The following MSR1 variants were observed in gnomAD, a reference collection of about 807,000 sequenced individuals.
MSR1 encodes the protein macrophage scavenger receptor types I and II.
In MSR1, 53 loss-of-function variants were observed where a neutral mutation model predicts 47.2. That is an observed-to-expected ratio of 1.12 (90% confidence interval 0.90 to 1.41). The LOEUF (loss-of-function observed/expected upper bound fraction) is 1.41. Among genes scored for constraint, MSR1 ranks in the 40% most tolerant of loss-of-function variants. MSR1 has a pLI of 0.00. For synonymous variants in MSR1, 239 were observed against 185.6 expected, an observed-to-expected ratio of 1.29 and a Z score of -2.34; for missense variants, 786 against 546.9, an observed-to-expected ratio of 1.44 and a Z score of -4.36.
rs552870023 is a variant in MSR1 at position 16,145,910 on chromosome 8, C to T, written c.980-2299G>A. 5.9e-5 allele frequency among the ~76,000 whole-genome samples: 9 copies of T among 152,222 alleles called. No homozygotes were observed. In the South Asian group the frequency reaches 1.7e-3, roughly 28 times the overall value. On this transcript the variant is annotated intron_variant, in intron 7 of 9. Transcript: ENST00000262101. ...TTGGTCCAAACCTAGAGTTAACTATCTCCTATCCTATGTATTACTCTTTAA... is the reference window on the plus strand; with the variant it reads ...TTGGTCCAAACCTAGAGTTAACTATTTCCTATCCTATGTATTACTCTTTAA...
chr8:16,138,470 A>G lies in MSR1; in HGVS notation c.1033+5088T>C, dbSNP rs774610187. Among the ~76,000 whole-genome samples the G allele has an allele frequency of 7.9e-5, 12 of 152,344 alleles. No individual in the cohort carries two copies. The Middle Eastern group carries it at 0.017, about 216-fold the overall frequency. ...TGCCAATAATTTGAACAGGGCATTC[A>G]GCATCCATTTTTTGTCTAAAGAGAG... On this transcript the variant is annotated intron_variant, in intron 8 of 9. Transcript: ENST00000262101.
chr8:16,191,290 A>G lies in MSR1; in HGVS notation c.-5+1308T>C, dbSNP rs74303554. On this transcript the variant is annotated intron_variant, in intron 1 of 9. Coordinates refer to ENST00000262101, the MANE Select transcript of MSR1 (RefSeq NM_138715.3). ...TCCTTGGTAGCAAAGAAGAAAGAGC[A>G]TCAACTTTTGAATCTGAAATCTAGA... is the stretch of plus-strand genomic sequence containing the variant. Among the ~76,000 whole-genome samples, 572 of 152,326 alleles carry G rather than the reference A, an allele frequency of 3.8e-3. 25 individuals are homozygous for G. In the East Asian group the frequency reaches 0.099, roughly 26 times the overall value.
chr8:16,150,169 TATAA>T (rs1396285325), intron 7 of MSR1, 58 bp downstream of exon 7: 34 of 293,064 alleles, frequency 1.2e-4, no homozygotes, highest in Admixed American at 2.1e-4. Context: ...TATATATATA[TATAA>T]AATTATCTGG....
intron 8 of MSR1, among the ~76,000 whole-genome samples, chr8:16,138,643 G>A (rs1800450238): frequency 6.6e-6 from 1 of 152,162 alleles, no homozygotes; most frequent in Non-Finnish European, 1.5e-5. Flanking sequence ...TGTGGCTGAT[G>A]TAGACCAAGG....
chr8:16,158,971 C>A (rs115332389), intron 5 of MSR1, among the ~76,000 whole-genome samples: 1,384 of 118,538 alleles, frequency 0.012, 26 homozygotes, highest in African/African-American at 0.041. Context: ...GGTCTTGCTA[C>A]TTTGCCTAGG....
At chr8:16,160,585 A>G (rs1351319282) in intron 5 of MSR1, among the ~76,000 whole-genome samples, 6 of 152,026 alleles carry the variant, frequency 3.9e-5, no homozygotes, top group African/African-American at 1.2e-4. Flanking sequence ...ATATAGTGGT[A>G]AAAACTATGA....
chr8:16,140,763 G>C, intron 8 of MSR1: 4 of 1,439,516 alleles, frequency 2.8e-6, no homozygotes, highest in Non-Finnish European at 3.6e-6. Flanking sequence ...TGATAGGGGA[G>C]AGAGGTGATG....
rs771783766 is a variant in MSR1 at position 16,168,671 on chromosome 8, C to A, written c.417G>T (p.Glu139Asp). ...LDMEANLMDT[E>D]HFQNFSMTTD... Reference sequence around the variant, plus strand: ...TTGTCATGCTGAAATTTTGGAAATGCTCTGTGTCCATGAGGTTGGCTTCCA... The same window carrying A: ...TTGTCATGCTGAAATTTTGGAAATGATCTGTGTCCATGAGGTTGGCTTCCA... Residue 139 changes from glutamate to aspartate, a missense_variant, in exon 4 of 10, where the codon GAG becomes GAT. Physicochemically the swap from Glu to Asp is conservative, Grantham distance 45. Coordinates refer to ENST00000262101, the MANE Select transcript of MSR1 (RefSeq NM_138715.3). 1.2e-6 allele frequency: 2 copies of A among 1,614,034 alleles called. No individual in the cohort carries two copies. The highest frequency in any genetic ancestry group is 1.1e-5 in the South Asian group (1 of 91,082).
intron 8 of MSR1, chr8:16,121,214 G>GA (rs36007738): frequency 7.5e-6 from 3 of 400,344 alleles, no homozygotes; most frequent in South Asian, 1.9e-5. Flanking sequence ...TTCCTCTTTA[G>GA]AAAAAAATAT....
chr8:16,138,763 T>C lies in MSR1; in HGVS notation c.1033+4795A>G, dbSNP rs547696335. Among the ~76,000 whole-genome samples, 36 of 152,274 alleles carry C rather than the reference T, an allele frequency of 2.4e-4. 1 individual carries two copies. The highest frequency in any genetic ancestry group is 3.5e-4 in the Non-Finnish European group (24 of 68,014). ...GGAGTTACAACTTATCTCTAGATGT[T>C]TGTGTAAACTGGCTATTCAATGTTG... On this transcript the variant is annotated intron_variant, in intron 8 of 9. Coordinates refer to ENST00000262101, the MANE Select transcript of MSR1 (RefSeq NM_138715.3).
chr8:16,156,021 C>T (rs956960690), intron 5 of MSR1, among the ~76,000 whole-genome samples: 3 of 151,644 alleles, frequency 2.0e-5, no homozygotes, highest in Non-Finnish European at 4.4e-5. Flanking sequence ...AATGATTATA[C>T]CTAGCATGTC....
intron 9 of MSR1, among the ~76,000 whole-genome samples, chr8:16,112,593 G>A (rs1407143259): frequency 6.6e-6 from 1 of 152,024 alleles, no homozygotes; most frequent in Non-Finnish European, 1.5e-5. Context: ...GCATTAAAAA[G>A]TTAATGCAGA....
At position 16,109,983 on chromosome 8, in the gene MSR1, T is replaced by C. The variant is rs945374719; in HGVS notation, c.*102A>G. 5 of 1,399,896 alleles carry C rather than the reference T, an allele frequency of 3.6e-6. No individual in the cohort carries two copies. The highest frequency in any genetic ancestry group is 5.0e-6 in the Non-Finnish European group (5 of 999,964). The allele number at this position is 1,399,896 out of a possible 1,614,324, so 86.7% of individuals were successfully genotyped here. A position where few individuals can be genotyped will look rare whatever the true frequency, so the allele number is the denominator to read the frequency against. On this transcript the variant is annotated 3_prime_UTR_variant, in exon 10 of 10. Coordinates refer to ENST00000262101, the MANE Select transcript of MSR1 (RefSeq NM_138715.3). Reference sequence around the variant, plus strand: ...AATCTAAAATATTATTTGGGCAATATTCTTAATCTCTTAAATATTGATTAA... The same window carrying C: ...AATCTAAAATATTATTTGGGCAATACTCTTAATCTCTTAAATATTGATTAA...
chr8:16,144,945 TG>T (rs1213305821), intron 7 of MSR1, among the ~76,000 whole-genome samples: 1 of 151,856 alleles, frequency 6.6e-6, no homozygotes, highest in African/African-American at 2.4e-5. Flanking sequence ...TGCTTTATTT[TG>T]AACATGTGTC....
In MSR1 at chr8:16,184,866, G is replaced by A. The variant is rs563000912; in HGVS notation, c.-4-6874C>T. 3.3e-5 allele frequency among the ~76,000 whole-genome samples: 5 copies of A among 151,714 alleles called. No homozygotes were observed. The East Asian group carries it at 7.8e-4, about 24-fold the overall frequency. On this transcript the variant is annotated intron_variant, in intron 1 of 9. Transcript: ENST00000262101. The stretch of plus-strand genomic sequence containing the variant: ...TTTGTGGATTACTATATTTTAAACC[G>A]TGGTTACCTTGGGAAGATTTATTTA...
intron 8 of MSR1, among the ~76,000 whole-genome samples, chr8:16,123,559 T>C (rs1490890413): frequency 7.2e-6 from 1 of 139,720 alleles, no homozygotes; most frequent in Admixed American, 7.6e-5. Flanking sequence ...TTATCTTGTA[T>C]ATAAAGATTT....
At chr8:16,156,143 G>A (rs1585169087) in intron 5 of MSR1, among the ~76,000 whole-genome samples, 1 of 151,652 alleles carries the variant, frequency 6.6e-6, no homozygotes, top group African/African-American at 2.4e-5. Context: ...TTCAACACCA[G>A]AAGAAAGAAA....
intron 8 of MSR1, among the ~76,000 whole-genome samples, chr8:16,133,929 C>T (rs956460696): frequency 6.6e-6 from 1 of 152,174 alleles, no homozygotes; most frequent in Non-Finnish European, 1.5e-5. Flanking sequence ...GTTGAGATGT[C>T]TGTGGTGTTG....
intron 5 of MSR1, among the ~76,000 whole-genome samples, chr8:16,161,752 T>C (rs950012646): frequency 1.3e-5 from 2 of 151,998 alleles, no homozygotes; most frequent in African/African-American, 2.4e-5. Flanking sequence ...GAAGTAAAAA[T>C]TGTCTATATA....
Sources: allele counts gnomAD v4.1 joint callset (sites outside exome capture counted in the v4.1 genomes callset), GRCh38; gene constraint gnomAD v4.1.1; transcripts MANE v1.5; gene names NCBI Gene and HGNC (gene_info 2026-07-23, HGNC 2026-07-21).